Variants in METAP1D observed in about 807,000 individuals in gnomAD.
METAP1D encodes methionyl aminopeptidase type 1D, mitochondrial.
METAP1D carries 31 observed loss-of-function variants against 40.5 expected under a neutral mutation model. That is an observed-to-expected ratio of 0.77 (90% CI 0.58 to 1.03). The LOEUF is 1.03. METAP1D is among the 50% of genes least tolerant of loss of function. The probability of loss-of-function intolerance (pLI) is 0.00; values close to 1 mark genes in which losing one functional copy is unlikely to be tolerated. For missense variants in METAP1D, 411 were observed against 420.7 expected, an observed-to-expected ratio of 0.98 and a Z score of 0.20; for synonymous variants, 151 against 146.4, an observed-to-expected ratio of 1.03 and a Z score of -0.22.
chr2:172,001,306 G>A (rs562785431), intron 1 of METAP1D, among the ~76,000 whole-genome samples: 46 of 152,034 alleles, frequency 3.0e-4, no homozygotes, highest in Non-Finnish European at 3.5e-4. Context: ...TTGGGAGGCC[G>A]AGGCAGGTGG....
chr2:172,036,373 G>C (rs1350504581), intron 1 of METAP1D, among the ~76,000 whole-genome samples: 1 of 150,822 alleles, frequency 6.6e-6, no homozygotes, highest in East Asian at 2.0e-4. Context: ...GGACATCTGG[G>C]TTGTTTCCAC....
chr2:172,040,024 G>A (rs1328188518), intron 1 of METAP1D, among the ~76,000 whole-genome samples: 4 of 150,860 alleles, frequency 2.7e-5, no homozygotes, highest in Non-Finnish European at 1.5e-5. Flanking sequence ...TCGCCCTGTC[G>A]CCCAGGCTGG....
At position 172,080,778 on chromosome 2, in the gene METAP1D, T is replaced by G; in HGVS notation, c.*372T>G. 3.0e-6 allele frequency: 1 copy of G among 332,652 alleles called. No individual in the cohort carries two copies. Among genetic ancestry groups the G allele is most frequent in the Non-Finnish European group, 5.6e-6 (1 of 177,964 alleles). The allele number at this position is 332,652 out of a possible 1,614,324, so 20.6% of individuals were successfully genotyped here. A position where few individuals can be genotyped will look rare whatever the true frequency, so the allele number is the denominator to read the frequency against. ...CCTCTTAAATCCATTGTATCAGAGG[T>G]CCTTACCTCTCTGACAGTTACAGTG... On this transcript the variant is annotated 3_prime_UTR_variant, in exon 10 of 10. Transcript: ENST00000315796.
At chr2:172,078,441 CAG>C (rs2094124432) in intron 7 of METAP1D, among the ~76,000 whole-genome samples, 1 of 152,112 alleles carries the variant, frequency 6.6e-6, no homozygotes, top group Non-Finnish European at 1.5e-5. Flanking sequence ...AGTGAGAAGA[CAG>C]GGGTGGGCCC....
In METAP1D at chr2:172,065,704, C is replaced by T. The variant is rs372587392; in HGVS notation, c.449C>T (p.Ser150Phe). The change falls in exon 4 of 10, where the codon TCT becomes TTT. Residue 150 changes from serine to phenylalanine, a missense_variant. Ser to Phe is a radical substitution (Grantham distance 155, BLOSUM62 -2). Transcript: ENST00000315796. ...CTAGGCTATGGAGGTTTTCCAAAAT[C>T]TGTTTGTACCTCTGTAAACAACGTG... ...SPLGYGGFPKSVCTSVNNVLC... is the reference protein window; with the variant it reads ...SPLGYGGFPKFVCTSVNNVLC... 43 of 1,613,872 alleles carry T rather than the reference C, an allele frequency of 2.7e-5. No homozygotes were observed. Among genetic ancestry groups the T allele is most frequent in the Admixed American group, 3.3e-5 (2 of 60,010 alleles).
Position 172,070,916 on chromosome 2 carries a change from A to G in METAP1D, c.550A>G (p.Asn184Asp), listed in dbSNP as rs1690405251. The G allele has an allele frequency of 4.4e-6, 7 of 1,608,582 alleles. No individual in the cohort carries two copies. The highest frequency in any genetic ancestry group is 5.9e-6 in the Non-Finnish European group (7 of 1,177,148). Residue 184 changes from asparagine to aspartate, a missense_variant, in exon 6 of 10, where the codon AAT becomes GAT. Physicochemically the swap from Asn to Asp is conservative, Grantham distance 23 (BLOSUM62 1). Coordinates refer to ENST00000315796, the MANE Select transcript of METAP1D (RefSeq NM_199227.3). ...TTCTGCTTATGTTTAGGTCTATTACAATGGCTACCATGGAGACACCTCTGA... is the reference window on the plus strand; with the variant it reads ...TTCTGCTTATGTTTAGGTCTATTACGATGGCTACCATGGAGACACCTCTGA... ...IINIDVTVYY[N>D]GYHGDTSETF...
intron 1 of METAP1D, among the ~76,000 whole-genome samples, chr2:172,050,956 AGTATATGTATT>A (rs1391530239): frequency 1.3e-5 from 2 of 152,280 alleles, no homozygotes; most frequent in South Asian, 4.1e-4. Flanking sequence ...AAGTTGCCTG[AGTATATGTATT>A]GTTGAAGTGC....
In METAP1D at chr2:172,030,078, T is replaced by TTTATTTA. The variant is rs553826009; in HGVS notation, c.40+30071_40+30072insATTTATT. 0.034 allele frequency among the ~76,000 whole-genome samples: 5,118 copies of TTTATTTA among 149,818 alleles called. 579 individuals carry two copies. The East Asian group carries it at 0.45, about 13-fold the overall frequency. ...GCCTTTAAGCCTACATTTTATTTTA[T>TTTATTTA]TTTATTTATTTATTTATTTATTTTT... On this transcript the variant is annotated intron_variant, in intron 1 of 9. Coordinates refer to ENST00000315796, the MANE Select transcript of METAP1D (RefSeq NM_199227.3).
At chr2:172,043,211 G>C (rs1382879852) in intron 1 of METAP1D, among the ~76,000 whole-genome samples, 2 of 129,822 alleles carry the variant, frequency 1.5e-5, no homozygotes, top group African/African-American at 5.2e-5. Flanking sequence ...CAAGTAGCTG[G>C]GATTATAGGC....
intron 1 of METAP1D, among the ~76,000 whole-genome samples, chr2:172,051,702 T>C (rs560640258): frequency 1.5e-4 from 23 of 152,202 alleles, no homozygotes; most frequent in Non-Finnish European, 3.1e-4. Context: ...GCTCTGTGAC[T>C]GACTTTCCAG....
intron 1 of METAP1D, among the ~76,000 whole-genome samples, chr2:172,051,994 TTAGTG>T (rs1689895754): frequency 6.6e-6 from 1 of 152,200 alleles, no homozygotes. Context: ...TGTTACTGTT[TTAGTG>T]GTCTTAAGTA....
At chr2:172,073,441 T>C (rs1690471242) in intron 6 of METAP1D, among the ~76,000 whole-genome samples, 1 of 152,156 alleles carries the variant, frequency 6.6e-6, no homozygotes, top group Non-Finnish European at 1.5e-5. Flanking sequence ...GGATTTTAGC[T>C]ATCTGGATAC....
chr2:172,066,171 T>C lies in METAP1D; in HGVS notation c.498-93T>C, dbSNP rs78064636. On this transcript the variant is annotated intron_variant, in intron 4 of 9. Transcript: ENST00000315796. ...CACTCCAAATTATCACTGCATCCCATTGGGTTTGTGACAGTAGTCATTAAG... is the reference window on the plus strand; with the variant it reads ...CACTCCAAATTATCACTGCATCCCACTGGGTTTGTGACAGTAGTCATTAAG... The C allele has an allele frequency of 9.5e-4, 908 of 960,754 alleles. 9 individuals are homozygous for C. In the East Asian group the frequency reaches 0.02, roughly 21 times the overall value. The allele number at this position is 960,754 out of a possible 1,614,324, so 59.5% of individuals were successfully genotyped here.
chr2:172,030,196 TCTC>T (rs1367247512), intron 1 of METAP1D, among the ~76,000 whole-genome samples: 1 of 151,852 alleles, frequency 6.6e-6, no homozygotes, highest in African/African-American at 2.4e-5. Context: ...TTCAAGCAAT[TCTC>T]CTGCCTCAGA....
chr2:172,070,652 T>C (rs1393932251), intron 5 of METAP1D: 2 of 174,484 alleles, frequency 1.1e-5, no homozygotes, highest in African/African-American at 4.7e-5. Context: ...ACAGTAGTAT[T>C]GTTCATCATA....
chr2:172,013,572 G>A (rs1020504791), intron 1 of METAP1D, among the ~76,000 whole-genome samples: 4 of 152,144 alleles, frequency 2.6e-5, no homozygotes, highest in Non-Finnish European at 5.9e-5. Flanking sequence ...TACAAAGACA[G>A]GATGGCAGGG....
intron 1 of METAP1D, among the ~76,000 whole-genome samples, chr2:172,056,386 A>G (rs1690002774): frequency 1.3e-5 from 2 of 152,250 alleles, no homozygotes; most frequent in South Asian, 4.1e-4. Context: ...CATAGCTCTT[A>G]GCAGGACCAG....
intron 1 of METAP1D, among the ~76,000 whole-genome samples, chr2:172,028,542 C>CTGTGTGTGTGTG (rs10529698): frequency 3.5e-5 from 5 of 141,298 alleles, no homozygotes; most frequent in East Asian, 2.0e-4. Context: ...GTATGTGTGT[C>CTGTGTGTGTGTG]TGTGTGTGTG....
intron 1 of METAP1D, among the ~76,000 whole-genome samples, chr2:172,016,329 AT>A (rs1156246341): frequency 3.9e-5 from 4 of 101,782 alleles, no homozygotes; most frequent in South Asian, 4.0e-4. Flanking sequence ...ATATATATAT[AT>A]AAATAGTCCA....
Sources: allele counts gnomAD v4.1 joint callset (sites outside exome capture counted in the v4.1 genomes callset), GRCh38; gene constraint gnomAD v4.1.1; transcripts MANE v1.5; gene names NCBI Gene and HGNC (gene_info 2026-07-23, HGNC 2026-07-21).